Variants in BTBD9 observed in about 807,000 individuals in gnomAD.
The protein encoded by BTBD9 is BTB/POZ domain-containing protein 9.
BTBD9 carries 49 observed loss-of-function variants against 64.3 expected under a neutral mutation model. The observed-to-expected ratio is 0.76, with a 90% CI of 0.61 to 0.97. BTBD9 has a LOEUF of 0.97. BTBD9 is among the 50% of genes least tolerant of loss of function. The pLI is 0.00. For synonymous variants in BTBD9, 260 were observed against 274.7 expected (o/e 0.95, Z 0.53); for missense variants, 598 against 762.1 (o/e 0.78, Z 2.53).
At chr6:38,449,112 A>G (rs557917337) in intron 6 of BTBD9, among the ~76,000 whole-genome samples, 5 of 152,328 alleles carry the variant, frequency 3.3e-5, no homozygotes, top group African/African-American at 1.2e-4. Flanking sequence ...AGCTTACAGA[A>G]GAGAGGCCTT....
intron 6 of BTBD9, among the ~76,000 whole-genome samples, chr6:38,352,790 G>A (rs1202968428): frequency 6.6e-6 from 1 of 152,124 alleles, no homozygotes. Flanking sequence ...ATAGCTAAAG[G>A]AGAATTAATT....
chr6:38,600,168 G>A (rs375249601), intron 1 of BTBD9, among the ~76,000 whole-genome samples: 3 of 152,196 alleles, frequency 2.0e-5, no homozygotes, highest in African/African-American at 7.2e-5. Flanking sequence ...TCTATAAAGG[G>A]TCAGACAGTA....
intron 6 of BTBD9, among the ~76,000 whole-genome samples, chr6:38,413,910 T>A (rs1171602679): frequency 1.3e-5 from 2 of 152,062 alleles, no homozygotes; most frequent in Admixed American, 1.3e-4. Context: ...TGTAATAAGG[T>A]GTCTATTGAT....
At chr6:38,388,730 C>T (rs1486762030) in intron 6 of BTBD9, among the ~76,000 whole-genome samples, 2 of 152,092 alleles carry the variant, frequency 1.3e-5, no homozygotes, top group Non-Finnish European at 2.9e-5. Context: ...ATAAAAACAC[C>T]TATTCTGTTT....
chr6:38,401,322 T>C (rs952968416), intron 6 of BTBD9, among the ~76,000 whole-genome samples: 6 of 152,322 alleles, frequency 3.9e-5, no homozygotes, highest in Middle Eastern at 6.8e-3. Flanking sequence ...CTGCCATAAT[T>C]GTAAGTTTCC....
At chr6:38,532,254 G>C (rs1243822265) in intron 6 of BTBD9, among the ~76,000 whole-genome samples, 2 of 152,194 alleles carry the variant, frequency 1.3e-5, no homozygotes, top group African/African-American at 2.4e-5. Flanking sequence ...ACCAGTCCTA[G>C]CCAGAGGGGA....
chr6:38,317,421 G>A (rs1763067575), intron 7 of BTBD9, among the ~76,000 whole-genome samples: 1 of 152,068 alleles, frequency 6.6e-6, no homozygotes, highest in African/African-American at 2.4e-5. Context: ...CTGCTTTTAG[G>A]ATCCTTTTTT....
At chr6:38,362,983 C>A (rs9380738) in intron 6 of BTBD9, among the ~76,000 whole-genome samples, 1 of 151,748 alleles carries the variant, frequency 6.6e-6, no homozygotes, top group Non-Finnish European at 1.5e-5. Flanking sequence ...CAGGAGAAAA[C>A]GGGAAAAAAA....
chr6:38,314,832 C>T (rs1041866487), intron 7 of BTBD9, among the ~76,000 whole-genome samples: 6 of 152,140 alleles, frequency 3.9e-5, no homozygotes, highest in South Asian at 2.1e-4. Context: ...GTAATGTCTT[C>T]GTATTCATCT....
chr6:38,369,904 T>C (rs994351493), intron 6 of BTBD9, among the ~76,000 whole-genome samples: 6 of 152,256 alleles, frequency 3.9e-5, no homozygotes, highest in Non-Finnish European at 7.3e-5. Context: ...ATTGGCTATG[T>C]ATTCTCACTG....
intron 6 of BTBD9, among the ~76,000 whole-genome samples, chr6:38,524,036 T>C (rs1773381098): frequency 6.6e-6 from 1 of 152,224 alleles, no homozygotes; most frequent in African/African-American, 2.4e-5. Flanking sequence ...AGGACATACT[T>C]ATGTCTTTTC....
At chr6:38,330,302 A>G (rs1212935559) in intron 7 of BTBD9, among the ~76,000 whole-genome samples, 3 of 151,582 alleles carry the variant, frequency 2.0e-5, no homozygotes, top group Admixed American at 1.3e-4. Context: ...ATCCACCCAT[A>G]TTGGCCTCCC....
intron 6 of BTBD9, among the ~76,000 whole-genome samples, chr6:38,503,243 C>T (rs555525243): frequency 6.6e-6 from 1 of 152,272 alleles, no homozygotes; most frequent in African/African-American, 2.4e-5. Context: ...GCTGTTCCCG[C>T]TGCCTTCTGC....
At chr6:38,292,426 G>A (rs558167091) in intron 7 of BTBD9, among the ~76,000 whole-genome samples, 89 of 152,248 alleles carry the variant, frequency 5.8e-4, no homozygotes, top group African/African-American at 1.8e-3. Context: ...GTAGAATTCG[G>A]CTGTGAATCC....
At chr6:38,549,801 C>T (rs1459562653) in intron 6 of BTBD9, among the ~76,000 whole-genome samples, 2 of 152,126 alleles carry the variant, frequency 1.3e-5, no homozygotes, top group Non-Finnish European at 2.9e-5. Flanking sequence ...TTCAGCTTTC[C>T]TCCCACCACT....
chr6:38,391,481 T>C (rs1043628719), intron 6 of BTBD9, among the ~76,000 whole-genome samples: 22 of 152,232 alleles, frequency 1.4e-4, no homozygotes, highest in Non-Finnish European at 8.8e-5. Context: ...CAGAGCTTCC[T>C]ATCTTCTTAC....
chr6:38,170,498 C>G lies in BTBD9; in HGVS notation c.*4487G>C, dbSNP rs1437352720. 1 of 152,510 alleles carries G rather than the reference C, an allele frequency of 6.6e-6. No individual in the cohort carries two copies. Among genetic ancestry groups the G allele is most frequent in the Non-Finnish European group, 1.5e-5 (1 of 68,232 alleles). The allele number at this position is 152,510 out of a possible 1,614,324, so 9.4% of individuals were successfully genotyped here. On this transcript the variant is annotated 3_prime_UTR_variant, in exon 11 of 11. Transcript: ENST00000481247. ...CTCTGCAACCGGTCTTTCCTCCAAG[C>G]AAACCTTTTCCGCGCCCTTCACCAT...
intron 6 of BTBD9, among the ~76,000 whole-genome samples, chr6:38,400,347 C>T (rs554688205): frequency 2.6e-5 from 4 of 152,298 alleles, no homozygotes; most frequent in East Asian, 1.9e-4. Context: ...TATATACCCA[C>T]GTTCCACTTT....
At chr6:38,407,371 C>A (rs556507321) in intron 6 of BTBD9, among the ~76,000 whole-genome samples, 3 of 152,144 alleles carry the variant, frequency 2.0e-5, no homozygotes, top group East Asian at 3.9e-4. Context: ...AGAGGAAGTT[C>A]TTTCAGTAGG....
Sources: allele counts gnomAD v4.1 joint callset (sites outside exome capture counted in the v4.1 genomes callset), GRCh38; gene constraint gnomAD v4.1.1; transcripts MANE v1.5; gene names NCBI Gene and HGNC (gene_info 2026-07-23, HGNC 2026-07-21).